The following PDE4D variants were observed in gnomAD, a reference collection of about 807,000 sequenced individuals.
The protein encoded by PDE4D is phosphodiesterase 4D.
Under a neutral mutation model 87.4 loss-of-function variants are expected in PDE4D, and 24 were observed. The ratio of observed to expected loss-of-function variants is 0.27; its 90% CI spans 0.20 to 0.39. PDE4D has a LOEUF of 0.39. PDE4D is among the 10% of genes least tolerant of loss of function. The pLI is 1.00. For missense variants in PDE4D, 714 were observed against 1,041.0 expected (o/e 0.69, Z 4.32); for synonymous variants, 384 against 383.2 (o/e 1.00, Z -0.02).
chr5:60,142,653 T>C (rs900599110), intron 2 of PDE4D, among the ~76,000 whole-genome samples: 3 of 152,184 alleles, frequency 2.0e-5, no homozygotes, highest in African/African-American at 7.2e-5. Context: ...CATAGTATTA[T>C]ACACAAAGGG....
At chr5:59,394,526 T>C (rs1004977250) in intron 1 of PDE4D, among the ~76,000 whole-genome samples, 3 of 152,350 alleles carry the variant, frequency 2.0e-5, no homozygotes, top group African/African-American at 4.8e-5. Flanking sequence ...CTTAGTGATA[T>C]ATATGCACTA....
intron 2 of PDE4D, among the ~76,000 whole-genome samples, chr5:60,110,386 A>T (rs532533345): frequency 6.6e-6 from 1 of 152,236 alleles, no homozygotes; most frequent in South Asian, 2.1e-4. Flanking sequence ...TTTTCAAAAG[A>T]CTTGCAAATG....
chr5:59,919,029 T>C (rs1213496668), intron 3 of PDE4D, among the ~76,000 whole-genome samples: 1 of 152,162 alleles, frequency 6.6e-6, no homozygotes, highest in East Asian at 1.9e-4. Context: ...CATGTATACA[T>C]AGAGATATGT....
intron 3 of PDE4D, among the ~76,000 whole-genome samples, chr5:59,921,041 G>A (rs1225300141): frequency 1.3e-5 from 2 of 152,086 alleles, no homozygotes; most frequent in South Asian, 4.1e-4. Context: ...TCATAGTGTT[G>A]GTGTGAACAT....
At chr5:59,471,716 G>T (rs1393387624) in intron 1 of PDE4D, among the ~76,000 whole-genome samples, 2 of 152,168 alleles carry the variant, frequency 1.3e-5, no homozygotes, top group Non-Finnish European at 1.5e-5. Context: ...CGTTAAAAAG[G>T]CCTGAAGAAT....
chr5:59,226,706 G>C (rs1292194781), intron 1 of PDE4D, among the ~76,000 whole-genome samples: 2 of 152,124 alleles, frequency 1.3e-5, no homozygotes, highest in Non-Finnish European at 2.9e-5. Context: ...CCTAACATGA[G>C]GCCATGGTAT....
At chr5:59,626,998 C>T (rs534409878) in intron 1 of PDE4D, among the ~76,000 whole-genome samples, 1 of 152,274 alleles carries the variant, frequency 6.6e-6, no homozygotes, top group African/African-American at 2.4e-5. Context: ...TTCAAAATAG[C>T]CCAAAAGACC....
At chr5:59,329,693 T>C (rs1581990238) in intron 1 of PDE4D, among the ~76,000 whole-genome samples, 1 of 152,204 alleles carries the variant, frequency 6.6e-6, no homozygotes, top group African/African-American at 2.4e-5. Context: ...TCTTGTGTTA[T>C]TTGAATGTAA....
At chr5:59,278,891 TA>T (rs1337145385) in intron 1 of PDE4D, among the ~76,000 whole-genome samples, 1 of 152,138 alleles carries the variant, frequency 6.6e-6, no homozygotes, top group Non-Finnish European at 1.5e-5. Context: ...TGTGCGCACC[TA>T]AAATGTGATC....
At chr5:59,861,039 T>TA (rs995854725) in intron 1 of PDE4D, among the ~76,000 whole-genome samples, 2 of 150,838 alleles carry the variant, frequency 1.3e-5, no homozygotes, top group African/African-American at 4.9e-5. Flanking sequence ...TTTTTTTTTT[T>TA]TTTGTATTTT....
At chr5:59,779,578 G>T (rs1414186874) in intron 1 of PDE4D, among the ~76,000 whole-genome samples, 1 of 152,050 alleles carries the variant, frequency 6.6e-6, no homozygotes, top group East Asian at 1.9e-4. Context: ...ATGCCTATAG[G>T]ATCATATATT....
chr5:59,329,231 G>C (rs1002013441), intron 1 of PDE4D, among the ~76,000 whole-genome samples: 4 of 151,814 alleles, frequency 2.6e-5, no homozygotes, highest in Non-Finnish European at 5.9e-5. Context: ...AGGAAGTCTC[G>C]GGCTGTTCTT....
intron 5 of PDE4D, among the ~76,000 whole-genome samples, chr5:59,070,248 T>A (rs1764561624): frequency 6.6e-6 from 1 of 152,180 alleles, no homozygotes; most frequent in Non-Finnish European, 1.5e-5. Flanking sequence ...ATTTTTAAAT[T>A]TAAATGTTAT....
At chr5:59,212,067 T>C (rs1466975926) in intron 2 of PDE4D, among the ~76,000 whole-genome samples, 4 of 152,116 alleles carry the variant, frequency 2.6e-5, no homozygotes, top group Admixed American at 2.6e-4. Flanking sequence ...ACTAGAACTA[T>C]TAATAAGAAA....
intron 1 of PDE4D, among the ~76,000 whole-genome samples, chr5:59,575,052 A>G (rs1222090104): frequency 5.9e-5 from 9 of 152,208 alleles, no homozygotes; most frequent in Non-Finnish European, 1.3e-4. Flanking sequence ...ATATTAATAA[A>G]AATTATCATT....
intron 1 of PDE4D, among the ~76,000 whole-genome samples, chr5:59,377,403 T>G: frequency 7.2e-6 from 1 of 139,120 alleles, no homozygotes; most frequent in African/African-American, 2.7e-5. Flanking sequence ...GGTGACAGAG[T>G]GAGACACCCA....
intron 1 of PDE4D, among the ~76,000 whole-genome samples, chr5:60,508,778 T>C (rs537167834): frequency 1.3e-5 from 2 of 152,348 alleles, no homozygotes; most frequent in Admixed American, 1.3e-4. Context: ...TATTTTAATA[T>C]ATATTGTTAA....
chr5:59,037,100 G>A (rs1034591311), intron 6 of PDE4D, among the ~76,000 whole-genome samples: 3 of 151,910 alleles, frequency 2.0e-5, no homozygotes, highest in African/African-American at 4.8e-5. Flanking sequence ...AAATCTTAAC[G>A]TATAGATTAA....
At chr5:59,335,049 C>CA (rs1777428780) in intron 1 of PDE4D, among the ~76,000 whole-genome samples, 1 of 152,136 alleles carries the variant, frequency 6.6e-6, no homozygotes, top group Non-Finnish European at 1.5e-5. Flanking sequence ...AATTGGTTCT[C>CA]TCCTTTCCTG....
Sources: gnomAD v4.1 joint callset for allele counts (sites outside exome capture counted in the v4.1 genomes callset) on GRCh38, gnomAD v4.1.1 for gene constraint, MANE v1.5 for transcripts, NCBI Gene and HGNC (gene_info 2026-07-23, HGNC 2026-07-21) for gene names.